ZBTB38: variants seen among roughly 807,000 people sequenced by gnomAD.
ZBTB38 encodes zinc finger and BTB domain-containing protein 38.
In ZBTB38, 20 loss-of-function variants were observed where a neutral mutation model predicts 76.8. That is an observed-to-expected ratio of 0.26 (90% CI 0.18 to 0.38). The LOEUF (loss-of-function observed/expected upper bound fraction) is 0.38, where lower values mean the gene tolerates loss of function less well. Ranked by LOEUF, ZBTB38 falls within the 10% of genes least tolerant of loss-of-function variation. ZBTB38 has a pLI of 1.00. For synonymous variants in ZBTB38, 504 were observed against 544.2 expected (o/e 0.93, Z 1.03); for missense variants, 1,082 against 1,482.3 (o/e 0.73, Z 4.43).
At chr3:141,436,759 A>G (rs757136901) in intron 5 of ZBTB38, among the ~76,000 whole-genome samples, 3 of 152,160 alleles carry the variant, frequency 2.0e-5, no homozygotes, top group Non-Finnish European at 4.4e-5. Context: ...TGGCCTCCCA[A>G]AGTGCTGGGA....
intron 5 of ZBTB38, among the ~76,000 whole-genome samples, chr3:141,407,730 A>AT (rs1021447138): frequency 2.0e-5 from 3 of 152,382 alleles, no homozygotes; most frequent in Non-Finnish European, 4.4e-5. Context: ...GGTGACGAAG[A>AT]TTAACAATTG....
chr3:141,390,831 G>A (rs1948653249), intron 4 of ZBTB38, among the ~76,000 whole-genome samples: 1 of 152,156 alleles, frequency 6.6e-6, no homozygotes, highest in African/African-American at 2.4e-5. Flanking sequence ...AATAAAGAAG[G>A]CAAGTGCACA....
At chr3:141,328,557 A>G (rs1942746942) in intron 1 of ZBTB38, among the ~76,000 whole-genome samples, 1 of 152,102 alleles carries the variant, frequency 6.6e-6, no homozygotes, top group African/African-American at 2.4e-5. Flanking sequence ...TCCTGGGTCT[A>G]GGCCCTTCCC....
chr3:141,417,681 T>A (rs1385337496), intron 5 of ZBTB38, among the ~76,000 whole-genome samples: 1 of 152,210 alleles, frequency 6.6e-6, no homozygotes, highest in Non-Finnish European at 1.5e-5. Context: ...TTAAATCTTT[T>A]AAATGACTTG....
chr3:141,444,955 C>G lies in ZBTB38; in HGVS notation c.2567C>G (p.Ser856Cys), dbSNP rs1559968428. 4 of 1,614,030 alleles carry G rather than the reference C, an allele frequency of 2.5e-6. No homozygotes were observed. The highest frequency in any genetic ancestry group is 1.7e-5 in the Admixed American group (1 of 60,004). ...EAIVKRHILG[S>C]KLFYKRGRRP... ...ATTGTGAAAAGGCACATTCTAGGAT[C>G]TAAATTGTTTTATAAAAGAGGGAGA... The change falls in exon 6 of 6, where the codon TCT becomes TGT. Residue 856 changes from serine to cysteine, a missense_variant. Transcript: ENST00000321464. This position sits in a 1 kb window ranked among gnomAD's most constrained non-coding sequence, Gnocchi z 5.1.
At chr3:141,408,494 C>T (rs900931811) in intron 5 of ZBTB38, among the ~76,000 whole-genome samples, 4 of 152,000 alleles carry the variant, frequency 2.6e-5, no homozygotes, top group Non-Finnish European at 4.4e-5. Context: ...TTGCAGTGAG[C>T]TGAGATCGCA....
chr3:141,374,405 G>T (rs1945057449), intron 2 of ZBTB38, among the ~76,000 whole-genome samples: 1 of 152,128 alleles, frequency 6.6e-6, no homozygotes, highest in Non-Finnish European at 1.5e-5. Context: ...AAAAGAAGAT[G>T]ATTCCTGGCA....
rs556431116 is a variant in ZBTB38, at chr3:141,445,490, G to A, written c.3102G>A (p.Gly1034=). The A allele has an allele frequency of 6.2e-7, 1 of 1,614,150 alleles. No individual in the cohort carries two copies. Among genetic ancestry groups the A allele is most frequent in the Non-Finnish European group, 8.5e-7 (1 of 1,180,026 alleles). ...AAATGCACATGAGATGTCACACCGG[G>A]GAGAAGCCATACCAGTGCAAGACCT... ...TLKMHMRCHT[G]EKPYQCKTCG... Residue 1034 remains glycine (G), a synonymous_variant, in exon 6 of 6, where the codon GGG becomes GGA. Coordinates refer to ENST00000321464, the MANE Select transcript of ZBTB38 (RefSeq NM_001376113.1). The surrounding 1 kb of genome is among the most constrained non-coding windows in gnomAD (Gnocchi z 6.5).
upstream of ZBTB38, chr3:141,366,567 G>A (rs1179399923): frequency 1.3e-5 from 2 of 152,140 alleles, no homozygotes; most frequent in Non-Finnish European, 2.9e-5. Flanking sequence ...ACCTGCCTAG[G>A]GATTCAAACT....
chr3:141,332,989 G>A (rs534283686), intron 1 of ZBTB38, among the ~76,000 whole-genome samples: 1 of 152,254 alleles, frequency 6.6e-6, no homozygotes, highest in South Asian at 2.1e-4. Context: ...CTGTAGAAAG[G>A]GGTTTCTTAA....
exon 1 of ZBTB38, chr3:141,324,239 G>A (rs554453101): frequency 9.2e-5 from 14 of 152,250 alleles, no homozygotes; most frequent in Non-Finnish European, 1.6e-4. Flanking sequence ...CCAAGGCCTC[G>A]GGCAGCCCTA....
intron 5 of ZBTB38, among the ~76,000 whole-genome samples, chr3:141,431,341 A>AAAAAAAAAATATATAT: frequency 9.7e-6 from 1 of 103,296 alleles, no homozygotes; most frequent in African/African-American, 6.0e-5. Flanking sequence ...AAAAAAAAAA[A>AAAAAAAAAATATATAT]ATATATATAT....
At chr3:141,349,252 G>A (rs561930055) in intron 1 of ZBTB38, among the ~76,000 whole-genome samples, 37 of 152,272 alleles carry the variant, frequency 2.4e-4, no homozygotes, top group African/African-American at 8.7e-4. Context: ...AAATAGCTGA[G>A]TCCCTACCAA....
chr3:141,403,211 G>C (rs772214528), intron 4 of ZBTB38: 6 of 152,264 alleles, frequency 3.9e-5, no homozygotes, highest in Non-Finnish European at 7.3e-5. Context: ...TCTAAGGATC[G>C]ATTATAGGTG....
intron 5 of ZBTB38, among the ~76,000 whole-genome samples, chr3:141,422,465 A>T (rs765784933): frequency 6.6e-6 from 1 of 152,196 alleles, no homozygotes; most frequent in East Asian, 1.9e-4. Context: ...GAGTGCTCCT[A>T]TGCTGAAATT....
At position 141,446,967 on chromosome 3, in the gene ZBTB38, C is replaced by T. The variant is rs1420824828; in HGVS notation, c.*991C>T. The T allele has an allele frequency of 6.5e-6, 1 of 152,678 alleles. No homozygotes were observed. Among genetic ancestry groups the T allele is most frequent in the Non-Finnish European group, 1.5e-5 (1 of 68,074 alleles). The allele number at this position is 152,678 out of a possible 1,614,324, so 9.5% of individuals were successfully genotyped here. On this transcript the variant is annotated 3_prime_UTR_variant, in exon 6 of 6. Coordinates refer to ENST00000321464, the MANE Select transcript of ZBTB38 (RefSeq NM_001376113.1). ...ACCACAAGGCCATGGATGTGGGGGT[C>T]TATTCCAGACAGACTTAAGGGCTCA...
intron 5 of ZBTB38, among the ~76,000 whole-genome samples, chr3:141,424,958 C>G (rs74434874): frequency 0.012 from 1,819 of 152,250 alleles, 32 homozygotes; most frequent in African/African-American, 0.041. Context: ...AGATACTATA[C>G]CAAGCACTTT....
chr3:141,329,245 G>T (rs1942769370), intron 1 of ZBTB38, among the ~76,000 whole-genome samples: 1 of 152,150 alleles, frequency 6.6e-6, no homozygotes, highest in Non-Finnish European at 1.5e-5. Context: ...AAATATAGAT[G>T]AGTATGTGAA....
At chr3:141,339,596 T>A (rs928463220) in intron 1 of ZBTB38, among the ~76,000 whole-genome samples, 1 of 152,212 alleles carries the variant, frequency 6.6e-6, no homozygotes, top group South Asian at 2.1e-4. Context: ...AGCTTTTTGA[T>A]GAATTGAATA....
Sources: gnomAD v4.1 joint callset for allele counts (sites outside exome capture counted in the v4.1 genomes callset) on GRCh38, gnomAD v4.1.1 for gene constraint, Gnocchi (gnomAD v3.1) non-coding constraint, MANE v1.5 for transcripts, NCBI Gene and HGNC (gene_info 2026-07-23, HGNC 2026-07-21) for gene names.